Variants in NPC1L1 observed in about 807,000 individuals in gnomAD.
The protein encoded by NPC1L1 is NPC1 like intracellular cholesterol transporter 1.
In NPC1L1, 98 loss-of-function variants were observed where a neutral mutation model predicts 117.0. The observed-to-expected ratio is 0.84, with a 90% confidence interval of 0.71 to 0.99. The LOEUF (loss-of-function observed/expected upper bound fraction) is 0.99, where lower values mean the gene tolerates loss of function less well. NPC1L1 is among the 50% of genes least tolerant of loss of function. NPC1L1 has a pLI of 0.00. For missense variants in NPC1L1, 1,540 were observed against 1,710.0 expected (o/e 0.90, Z 1.75); for synonymous variants, 729 against 727.6 (o/e 1.00, Z -0.03).
chr7:44,531,644 G>T, intron 10 of NPC1L1, 111 bp downstream of exon 10: 1 of 894,272 alleles, frequency 1.1e-6, no homozygotes, highest in Non-Finnish European at 1.8e-6. Flanking sequence ...GAACAATTCT[G>T]CACCTCTGGC....
intron 16 of NPC1L1, 106 bp downstream of exon 16, chr7:44,516,597 C>A: frequency 1.1e-6 from 1 of 935,970 alleles, no homozygotes. Context: ...CAGAGCAAGA[C>A]CCTGCCTCTA....
At chr7:44,518,452 G>A (rs1801254797) in intron 14 of NPC1L1, 2 of 226,484 alleles carry the variant, frequency 8.8e-6, no homozygotes, top group Admixed American at 4.8e-5. Context: ...TTACAGGTGT[G>A]AGCCACCGCA....
intron 10 of NPC1L1, among the ~76,000 whole-genome samples, chr7:44,531,027 G>C (rs1361980622): frequency 6.6e-6 from 1 of 152,172 alleles, no homozygotes; most frequent in Non-Finnish European, 1.5e-5. Flanking sequence ...GAGTCCCCTC[G>C]ATGCCTTCCC....
At position 44,513,349 on chromosome 7, in the gene NPC1L1, G is replaced by T; in HGVS notation, c.*98C>A. 1 of 1,187,696 alleles carries T rather than the reference G, an allele frequency of 8.4e-7. No individual in the cohort carries two copies. Among genetic ancestry groups the T allele is most frequent in the Non-Finnish European group, 1.3e-6 (1 of 799,480 alleles). The allele number at this position is 1,187,696 out of a possible 1,614,324, so 73.6% of individuals were successfully genotyped here. Reference sequence around the variant, plus strand: ...AGTCTCATGGGAATGGCCTCCCCTAGGATTTGAGGAGGGCGTGTGTCAAGG... The same window carrying T: ...AGTCTCATGGGAATGGCCTCCCCTATGATTTGAGGAGGGCGTGTGTCAAGG... On this transcript the variant is annotated 3_prime_UTR_variant, in exon 19 of 19. Transcript: ENST00000381160.
intron 1 of NPC1L1, 21 bp downstream of exon 1, chr7:44,541,185 G>C (rs762522977): frequency 3.2e-6 from 5 of 1,549,204 alleles, no homozygotes; most frequent in Non-Finnish European, 4.4e-6. Flanking sequence ...AGGGGAGGTG[G>C]AGCCAAGCCC....
chr7:44,514,219 C>T (rs1801119756), intron 18 of NPC1L1, among the ~76,000 whole-genome samples: 1 of 152,196 alleles, frequency 6.6e-6, no homozygotes, highest in Non-Finnish European at 1.5e-5. Flanking sequence ...TTATTACCAT[C>T]TGGTGGGAGG....
Position 44,521,696 on chromosome 7 carries a change from A to C in NPC1L1, c.2953+16T>G. ...GAGCTGTGGTGGACAGTGAGTCCCC[A>C]TGGCCCCACACTCACTGACGGTCGA... is the stretch of plus-strand genomic sequence containing the variant. On this transcript the variant is annotated intron_variant, in intron 12 of 18. Transcript: ENST00000381160. The C allele has an allele frequency of 6.2e-7, 1 of 1,613,926 alleles. No individual in the cohort carries two copies. The highest frequency in any genetic ancestry group is 1.1e-5 in the South Asian group (1 of 91,064).
intron 11 of NPC1L1, 95 bp downstream of exon 11, chr7:44,521,957 G>T (rs542215849): frequency 1.2e-4 from 187 of 1,593,674 alleles, no homozygotes; most frequent in Non-Finnish European, 1.6e-4. Context: ...CAGGGCAGCA[G>T]GACAGGGATA....
chr7:44,527,397 C>T (rs545711789), intron 10 of NPC1L1, among the ~76,000 whole-genome samples: 79 of 128,132 alleles, frequency 6.2e-4, no homozygotes, highest in Middle Eastern at 5.6e-3. Flanking sequence ...GCAGAGGTTG[C>T]GGTGAGCTGA....
In NPC1L1 at chr7:44,532,120, T is replaced by A. The variant is rs1352363801; in HGVS notation, c.2507A>T (p.Tyr836Phe). 1.9e-6 allele frequency: 3 copies of A among 1,614,138 alleles called. No individual in the cohort carries two copies. The highest frequency in any genetic ancestry group is 3.3e-5 in the Admixed American group (2 of 60,012). ...GLLLGFFQKA[Y>F]APFLLHWITR... ...GATCCAGTGCAGCAGGAAGGGGGCATAAGCCTTTTGGAAGAAGCCAAGCAG... is the reference window on the plus strand; with the variant it reads ...GATCCAGTGCAGCAGGAAGGGGGCAAAAGCCTTTTGGAAGAAGCCAAGCAG... Residue 836 changes from tyrosine (Y) to phenylalanine (F), a missense_variant, in exon 9 of 19, where the codon TAT becomes TTT. Transcript: ENST00000381160.
At chr7:44,521,237 C>T (rs1166880874) in intron 12 of NPC1L1, 119 bp from the exon 13 acceptor site, 4 of 1,338,494 alleles carry the variant, frequency 3.0e-6, no homozygotes, top group Non-Finnish European at 4.2e-6. Flanking sequence ...CAACCAGTCG[C>T]TTCTAGGGGG....
chr7:44,513,907 C>T (rs1410822295), intron 18 of NPC1L1, among the ~76,000 whole-genome samples: 2 of 152,162 alleles, frequency 1.3e-5, no homozygotes, highest in African/African-American at 4.8e-5. Context: ...TGTCCAAGCA[C>T]ACCCCACGAC....
chr7:44,535,700 T>A, intron 5 of NPC1L1, 140 bp downstream of exon 5: 1 of 1,052,710 alleles, frequency 9.5e-7, no homozygotes, highest in East Asian at 2.5e-5. Flanking sequence ...TTGCAAGAGG[T>A]ATTACCCTTT....
At chr7:44,513,806 C>T (rs1260507332) in intron 18 of NPC1L1, among the ~76,000 whole-genome samples, 157 bp from the exon 19 acceptor site, 1 of 152,200 alleles carries the variant, frequency 6.6e-6, no homozygotes, top group African/African-American at 2.4e-5. Flanking sequence ...GCCCAAGCTT[C>T]AGGGATGTCC....
At chr7:44,524,367 A>C (rs573074004) in intron 10 of NPC1L1, among the ~76,000 whole-genome samples, 6 of 152,216 alleles carry the variant, frequency 3.9e-5, no homozygotes, top group Admixed American at 1.3e-4. Flanking sequence ...ACCAAGAAAA[A>C]GAAAAACATG....
chr7:44,540,384 T>A, intron 1 of NPC1L1, 42 bp from the exon 2 acceptor site: 1 of 1,581,534 alleles, frequency 6.3e-7, no homozygotes, highest in Non-Finnish European at 8.6e-7. Context: ...CTGACACAGC[T>A]GGGTGCCATC....
At chr7:44,518,645 G>T in intron 14 of NPC1L1, 1 of 1,055,236 alleles carries the variant, frequency 9.5e-7, no homozygotes. Context: ...CTCCAGCCTG[G>T]GTGACAGAAT....
chr7:44,536,382 G>A lies in NPC1L1; in HGVS notation c.1728C>T (p.Leu576=). Residue 576 remains leucine, a synonymous_variant, in exon 4 of 19, where the codon CTC becomes CTT. Transcript: ENST00000381160. This position sits in a 1 kb window ranked among gnomAD's most constrained non-coding sequence, Gnocchi z 4.7. The part of the protein sequence containing the change: ...EAEALIMTFS[L]NNYPAGDPRL... Reference sequence around the variant, plus strand: ...GGGGGTCCCCGGCAGGGTAATTGTTGAGGGAGAACGTCATGATCAGGGCCT... The same window carrying A: ...GGGGGTCCCCGGCAGGGTAATTGTTAAGGGAGAACGTCATGATCAGGGCCT... 6.2e-7 allele frequency: 1 copy of A among 1,614,050 alleles called. No homozygotes were observed. Among genetic ancestry groups the A allele is most frequent in the Non-Finnish European group, 8.5e-7 (1 of 1,180,022 alleles).
chr7:44,518,668 TCA>T, intron 14 of NPC1L1: 1 of 1,008,774 alleles, frequency 9.9e-7, no homozygotes, highest in Non-Finnish European at 1.3e-6. Context: ...CAACTGTGTC[TCA>T]AAAAAAAAAA....
Sources: gnomAD v4.1 joint callset for allele counts (sites outside exome capture counted in the v4.1 genomes callset) on GRCh38, gnomAD v4.1.1 for gene constraint, Gnocchi (gnomAD v3.1) non-coding constraint, MANE v1.5 for transcripts, NCBI Gene and HGNC (gene_info 2026-07-23, HGNC 2026-07-21) for gene names.